Variants in PRKCB observed in about 807,000 individuals in gnomAD.
PRKCB encodes protein kinase C beta type.
In PRKCB, 13 loss-of-function variants were observed where a neutral mutation model predicts 81.5. That is an observed-to-expected ratio of 0.16 (90% CI 0.10 to 0.25). PRKCB has a LOEUF of 0.25. PRKCB is among the 10% of genes least tolerant of loss of function. The pLI is 1.00. For synonymous variants in PRKCB, 335 were observed against 321.4 expected (o/e 1.04, Z -0.45); for missense variants, 509 against 875.7 (o/e 0.58, Z 5.29).
intron 3 of PRKCB, among the ~76,000 whole-genome samples, chr16:23,996,645 A>G (rs903664541): frequency 2.6e-5 from 4 of 152,204 alleles, no homozygotes; most frequent in African/African-American, 9.6e-5. Context: ...GACTTAGAGC[A>G]TGCTTTATTC....
intron 7 of PRKCB, among the ~76,000 whole-genome samples, chr16:24,103,533 T>C (rs1294043284): frequency 6.6e-6 from 1 of 152,216 alleles, no homozygotes; most frequent in Non-Finnish European, 1.5e-5. Context: ...GAGTATACTT[T>C]TTTGTGGAGA....
chr16:24,173,861 C>T (rs956594731), intron 11 of PRKCB, among the ~76,000 whole-genome samples: 2 of 152,220 alleles, frequency 1.3e-5, no homozygotes, highest in Non-Finnish European at 1.5e-5. Flanking sequence ...TGGGGAGATA[C>T]TAGTAGGACC....
At chr16:23,953,385 C>G (rs1002888398) in intron 2 of PRKCB, among the ~76,000 whole-genome samples, 1 of 152,194 alleles carries the variant, frequency 6.6e-6, no homozygotes, top group African/African-American at 2.4e-5. Context: ...TGGCTGCTCC[C>G]GAGCAGCCAT....
Position 23,923,041 on chromosome 16 carries a change from C to T in PRKCB, c.206-65467C>T, listed in dbSNP as rs1464184703. On this transcript the variant is annotated intron_variant, in intron 2 of 16. Coordinates refer to ENST00000643927, the MANE Select transcript of PRKCB (RefSeq NM_002738.7). ...GCTAAATGTAGTTAGCTAGTGAATG[C>T]TGTTATTTGAATCTTAAAATTTCAG... 4.6e-5 allele frequency among the ~76,000 whole-genome samples: 7 copies of T among 152,018 alleles called. No homozygotes were observed. The East Asian group carries it at 1.3e-3, about 29-fold the overall frequency.
chr16:23,987,973 G>C (rs1313948103), intron 2 of PRKCB, among the ~76,000 whole-genome samples: 1 of 152,140 alleles, frequency 6.6e-6, no homozygotes, highest in Admixed American at 6.5e-5. Context: ...CAATGTAAAC[G>C]TTGCTGCCTA....
chr16:23,955,244 A>G (rs1964335316), intron 2 of PRKCB, among the ~76,000 whole-genome samples: 1 of 152,050 alleles, frequency 6.6e-6, no homozygotes, highest in Non-Finnish European at 1.5e-5. Flanking sequence ...ACACACACAC[A>G]CACACACAGC....
At chr16:24,018,849 T>C (rs1004165836) in intron 3 of PRKCB, among the ~76,000 whole-genome samples, 1 of 152,224 alleles carries the variant, frequency 6.6e-6, no homozygotes, top group Non-Finnish European at 1.5e-5. Flanking sequence ...AAATGTGCCA[T>C]GCGTGTGTAA....
intron 3 of PRKCB, among the ~76,000 whole-genome samples, chr16:24,021,028 C>CTTTATTTATTTA (rs66844532): frequency 2.1e-5 from 3 of 140,328 alleles, no homozygotes; most frequent in African/African-American, 8.4e-5. Flanking sequence ...TTCTTTCTTT[C>CTTTATTTATTTA]TTTCTTTCTT....
chr16:23,921,458 C>A (rs1012085525), intron 2 of PRKCB, among the ~76,000 whole-genome samples: 1 of 152,056 alleles, frequency 6.6e-6, no homozygotes, highest in Non-Finnish European at 1.5e-5. Context: ...ACAGCCTGAT[C>A]GTTATAAACT....
chr16:23,915,919 A>G (rs574072357), intron 2 of PRKCB, among the ~76,000 whole-genome samples: 91 of 152,220 alleles, frequency 6.0e-4, no homozygotes, highest in Middle Eastern at 3.4e-3. Context: ...ATTTATATGT[A>G]TTTTAAATTA....
intron 2 of PRKCB, among the ~76,000 whole-genome samples, chr16:23,859,866 T>G (rs1962633072): frequency 7.4e-6 from 1 of 135,106 alleles, no homozygotes; most frequent in Non-Finnish European, 1.6e-5. Flanking sequence ...TTGACAGCAT[T>G]AGGAGAGAGA....
chr16:24,149,767 C>T (rs541534268), intron 9 of PRKCB, among the ~76,000 whole-genome samples: 1 of 152,232 alleles, frequency 6.6e-6, no homozygotes, highest in South Asian at 2.1e-4. Flanking sequence ...TGCTACTTGG[C>T]TTCATGTATT....
At chr16:24,098,808 G>A (rs563497833) in intron 7 of PRKCB, 1 of 152,276 alleles carries the variant, frequency 6.6e-6, no homozygotes, top group East Asian at 1.9e-4. Flanking sequence ...ACCTGATGGT[G>A]AATAATAAAC....
intron 2 of PRKCB, among the ~76,000 whole-genome samples, chr16:23,873,601 C>T (rs1217490466): frequency 6.6e-6 from 1 of 152,178 alleles, no homozygotes; most frequent in Non-Finnish European, 1.5e-5. Context: ...TACTTCCCAA[C>T]TGGGACAGAT....
At position 24,215,436 on chromosome 16, in the gene PRKCB, A is replaced by C. The variant is rs1331047914; in HGVS notation, c.*620A>C. Reference sequence around the variant, plus strand: ...CACTTCAAGGGGTCAAAGGGCAACCAGCTTGGGTGCTACCTCAGTGTTGTA... The same window carrying C: ...CACTTCAAGGGGTCAAAGGGCAACCCGCTTGGGTGCTACCTCAGTGTTGTA... On this transcript the variant is annotated 3_prime_UTR_variant, in exon 17 of 17. Coordinates refer to ENST00000643927, the MANE Select transcript of PRKCB (RefSeq NM_002738.7). 1.0e-6 allele frequency: 1 copy of C among 985,828 alleles called. No individual in the cohort carries two copies. The highest frequency in any genetic ancestry group is 1.2e-6 in the Non-Finnish European group (1 of 830,026). 61.1% of individuals were successfully genotyped at this position (985,828 alleles called of 1,614,324 possible).
intron 2 of PRKCB, among the ~76,000 whole-genome samples, chr16:23,954,061 A>G (rs1964318766): frequency 6.6e-6 from 1 of 151,800 alleles, no homozygotes; most frequent in Non-Finnish European, 1.5e-5. Flanking sequence ...TATTATTATT[A>G]TATTTTAAGT....
At position 23,934,931 on chromosome 16, in the gene PRKCB, T is replaced by C. The variant is rs369593932; in HGVS notation, c.206-53577T>C. Among the ~76,000 whole-genome samples the C allele has an allele frequency of 1.6e-4, 25 of 152,326 alleles. No individual in the cohort carries two copies. The South Asian group carries it at 5.2e-3, about 32-fold the overall frequency. ...CGGAATTCTTACTTCTTGAACAAAG[T>C]TGGCTTTTCTTCTCTGAACGTGGCC... is the stretch of plus-strand genomic sequence containing the variant. On this transcript the variant is annotated intron_variant, in intron 2 of 16. Coordinates refer to ENST00000643927, the MANE Select transcript of PRKCB (RefSeq NM_002738.7).
intron 5 of PRKCB, among the ~76,000 whole-genome samples, chr16:24,060,385 A>G (rs927701332): frequency 1.3e-5 from 2 of 152,182 alleles, no homozygotes; most frequent in African/African-American, 4.8e-5. Flanking sequence ...TCCTTTGTAC[A>G]GGGCATTTAG....
intron 2 of PRKCB, among the ~76,000 whole-genome samples, chr16:23,857,495 G>A (rs1013301185): frequency 3.3e-5 from 5 of 152,144 alleles, no homozygotes; most frequent in African/African-American, 7.2e-5. Context: ...ACTTCCAAGG[G>A]CTGGGATTCA....
Sources: allele counts gnomAD v4.1 joint callset (sites outside exome capture counted in the v4.1 genomes callset), GRCh38; gene constraint gnomAD v4.1.1; transcripts MANE v1.5; gene names NCBI Gene and HGNC (gene_info 2026-07-23, HGNC 2026-07-21).